The following CRTAC1 variants were observed in gnomAD, a reference collection of about 807,000 sequenced individuals.
The protein encoded by CRTAC1 is cartilage acidic protein 1, also known as acidic secreted protein in cartilage.
CRTAC1 carries 37 observed loss-of-function variants against 67.8 expected under a neutral mutation model. That is an observed-to-expected ratio of 0.55 (90% CI 0.42 to 0.72). The LOEUF is 0.72. CRTAC1 is among the 30% of genes least tolerant of loss of function. The pLI is 0.00. For synonymous variants in CRTAC1, 348 were observed against 371.0 expected (o/e 0.94, Z 0.71); for missense variants, 780 against 931.6 (o/e 0.84, Z 2.12).
chr10:98,004,881 T>A (rs1253895857), intron 2 of CRTAC1, among the ~76,000 whole-genome samples: 1 of 151,078 alleles, frequency 6.6e-6, no homozygotes, highest in East Asian at 1.9e-4. Flanking sequence ...TCTGTCTCTC[T>A]CACACACTCT....
chr10:97,948,607 T>C (rs1359952689), intron 2 of CRTAC1, among the ~76,000 whole-genome samples: 2 of 152,116 alleles, frequency 1.3e-5, no homozygotes, highest in East Asian at 3.9e-4. Context: ...GAACAGAGTG[T>C]CATGTACCAG....
At chr10:98,001,245 C>T (rs778553113) in intron 2 of CRTAC1, among the ~76,000 whole-genome samples, 2 of 152,042 alleles carry the variant, frequency 1.3e-5, no homozygotes, top group Non-Finnish European at 1.5e-5. Context: ...ATTAATAGGC[C>T]AAGCAGAAAA....
intron 2 of CRTAC1, among the ~76,000 whole-genome samples, chr10:97,941,275 C>T (rs143246368): frequency 7.4e-4 from 112 of 152,276 alleles, no homozygotes; most frequent in African/African-American, 2.4e-3. Flanking sequence ...TGGTTTCCTG[C>T]GCTCTCTCTG....
chr10:97,893,376 G>T (rs1387706465), intron 11 of CRTAC1, among the ~76,000 whole-genome samples: 1 of 152,104 alleles, frequency 6.6e-6, no homozygotes, highest in African/African-American at 2.4e-5. Flanking sequence ...CCTGGGGAAG[G>T]TGTCTGATTT....
intron 6 of CRTAC1, among the ~76,000 whole-genome samples, chr10:97,907,083 C>T (rs2050622863): frequency 6.6e-6 from 1 of 152,168 alleles, no homozygotes. Context: ...CGAAAACTCG[C>T]AGGAAGTGTC....
chr10:97,880,791 C>T (rs1159454079), intron 13 of CRTAC1, among the ~76,000 whole-genome samples: 1 of 152,122 alleles, frequency 6.6e-6, no homozygotes, highest in Non-Finnish European at 1.5e-5. Flanking sequence ...AAATAGAACT[C>T]CAGATTCTGC....
intron 2 of CRTAC1, among the ~76,000 whole-genome samples, chr10:97,936,640 C>G (rs770827062): frequency 2.0e-5 from 3 of 152,226 alleles, no homozygotes; most frequent in Non-Finnish European, 4.4e-5. Flanking sequence ...GGAGTGGGAG[C>G]CATGGACAGC....
At position 97,908,104 on chromosome 10, in the gene CRTAC1, G is replaced by A; in HGVS notation, c.759C>T (p.Ala253=). The change falls in exon 6 of 15, where the codon GCC becomes GCT. Residue 253 remains alanine (A), a synonymous_variant. Coordinates refer to ENST00000370597, the MANE Select transcript of CRTAC1 (RefSeq NM_018058.7). ...TCTCATTGTCGCAGAAGATATCCGA[G>A]GCACTGCTGCTGAGGATGGGGCCCA... is the stretch of plus-strand genomic sequence containing the variant. ...VSVGPILSSS[A]SDIFCDNENG... 6.2e-7 allele frequency: 1 copy of A among 1,614,122 alleles called. No individual in the cohort carries two copies. Among genetic ancestry groups the A allele is most frequent in the Non-Finnish European group, 8.5e-7 (1 of 1,179,972 alleles).
At chr10:97,936,134 T>C (rs754315400) in intron 3 of CRTAC1, 36 bp downstream of exon 3, 8 of 1,544,054 alleles carry the variant, frequency 5.2e-6, no homozygotes. Flanking sequence ...AGGGAGAAGA[T>C]GGGAAGCAGG....
Position 97,865,636 on chromosome 10 carries a change from G to GCAGCGGCA in CRTAC1, c.1890_1897dup (p.Ala633ValfsTer14), listed in dbSNP as rs1234008337. On this transcript the variant is annotated frameshift_variant, in exon 15 of 15. Transcript: ENST00000370597. LOFTEE classifies it high-confidence loss of function. ...GACCGGTGCAGCAGTGGCAGCTCCA[G>GCAGCGGCA]CAGCGGCAGCAGCAGCGGCAGTGGC... The GCAGCGGCA allele has an allele frequency of 6.2e-7, 1 of 1,612,316 alleles. No homozygotes were observed. The highest frequency in any genetic ancestry group is 8.5e-7 in the Non-Finnish European group (1 of 1,179,394).
At chr10:97,969,929 C>A (rs940161664) in intron 2 of CRTAC1, among the ~76,000 whole-genome samples, 1 of 152,190 alleles carries the variant, frequency 6.6e-6, no homozygotes, top group African/African-American at 2.4e-5. Flanking sequence ...ATCTCCACCC[C>A]AGACCTCTTC....
At chr10:97,885,060 C>T (rs977389299) in intron 11 of CRTAC1, among the ~76,000 whole-genome samples, 8 of 152,224 alleles carry the variant, frequency 5.3e-5, no homozygotes, top group African/African-American at 1.9e-4. Flanking sequence ...GACAAGCAAA[C>T]AGATGAACAA....
intron 2 of CRTAC1, among the ~76,000 whole-genome samples, chr10:97,977,609 T>G (rs1482201549): frequency 2.0e-5 from 3 of 152,030 alleles, no homozygotes; most frequent in Non-Finnish European, 4.4e-5. Context: ...CAACTCAAAT[T>G]TGAGACTGGG....
chr10:97,948,154 G>T (rs1410001616), intron 2 of CRTAC1, among the ~76,000 whole-genome samples: 1 of 150,310 alleles, frequency 6.7e-6, no homozygotes. Context: ...TTAGGTTTCT[G>T]TTCCTTATAA....
At position 97,974,316 on chromosome 10, in the gene CRTAC1, G is replaced by A. The variant is rs151242021; in HGVS notation, c.224+36822C>T. Among the ~76,000 whole-genome samples the A allele has an allele frequency of 9.2e-5, 14 of 152,270 alleles. No homozygotes were observed. In the East Asian group the frequency reaches 2.7e-3, roughly 29 times the overall value. On this transcript the variant is annotated intron_variant, in intron 2 of 14. Transcript: ENST00000370597. ...AACCAGCAGGCTCCCCCCCTGCTGC[G>A]TAACAGGCGGACTCACTTTGTTGTA...
At chr10:97,882,331 C>A (rs2050226163) in intron 13 of CRTAC1, among the ~76,000 whole-genome samples, 1 of 152,208 alleles carries the variant, frequency 6.6e-6, no homozygotes, top group South Asian at 2.1e-4. Flanking sequence ...CTGCCTGCCC[C>A]AGTACTGCAC....
chr10:97,894,749 T>TG (rs2050429895), intron 11 of CRTAC1, among the ~76,000 whole-genome samples: 1 of 62,430 alleles, frequency 1.6e-5, no homozygotes, highest in Admixed American at 1.7e-4. Flanking sequence ...TATATATATA[T>TG]ATATATATAT....
chr10:97,879,813 A>G, intron 14 of CRTAC1: 1 of 1,245,460 alleles, frequency 8.0e-7, no homozygotes, highest in Non-Finnish European at 1.0e-6. Context: ...TGCAAAAACG[A>G]TGCGGCGGGG....
intron 2 of CRTAC1, among the ~76,000 whole-genome samples, chr10:97,978,876 T>C (rs1360262948): frequency 6.6e-6 from 1 of 152,194 alleles, no homozygotes; most frequent in Non-Finnish European, 1.5e-5. Flanking sequence ...ATATGGGCTG[T>C]CTCGTCTACC....
Sources: allele counts gnomAD v4.1 joint callset (sites outside exome capture counted in the v4.1 genomes callset), GRCh38; gene constraint gnomAD v4.1.1; transcripts MANE v1.5; gene names NCBI Gene and HGNC (gene_info 2026-07-23, HGNC 2026-07-21).